PDK1: variants seen among roughly 807,000 people sequenced by gnomAD.
PDK1 encodes the protein pyruvate dehydrogenase kinase 1.
PDK1 carries 39 observed loss-of-function variants against 54.2 expected under a neutral mutation model. The observed-to-expected ratio is 0.72, with a 90% CI of 0.56 to 0.94. The LOEUF is 0.94. Among genes scored for constraint, PDK1 ranks in the 40% least tolerant of loss-of-function variants. The pLI is 0.00. For synonymous variants in PDK1, 221 were observed against 207.1 expected, an observed-to-expected ratio of 1.07 and a Z score of -0.58; for missense variants, 552 against 566.0, an observed-to-expected ratio of 0.98 and a Z score of 0.25.
intron 9 of PDK1, among the ~76,000 whole-genome samples, chr2:172,592,273 C>T (rs923313779): frequency 1.3e-5 from 2 of 152,166 alleles, no homozygotes; most frequent in Admixed American, 6.5e-5. Context: ...GAATAGGGTA[C>T]ACTGTTTTTT....
the PDK1 span, among the ~76,000 whole-genome samples, chr2:172,640,643 G>C: frequency 7.2e-5 from 11 of 152,188 alleles, no homozygotes; most frequent in African/African-American, 2.2e-4. Context: ...CATGTGGCCT[G>C]CTCACAGCCA....
intron 1 of PDK1, chr2:172,558,249 A>T (rs770047290): frequency 6.5e-6 from 1 of 152,850 alleles, no homozygotes; most frequent in Admixed American, 6.5e-5. Flanking sequence ...CATTCGGACC[A>T]GCTTAAAGTT....
At chr2:172,636,954 G>A in the PDK1 span, among the ~76,000 whole-genome samples, 5 of 152,064 alleles carry the variant, frequency 3.3e-5, no homozygotes, top group African/African-American at 7.3e-5. Flanking sequence ...AACTCAAACC[G>A]TACCAAAGGG....
At chr2:172,682,591 A>T in the PDK1 span, among the ~76,000 whole-genome samples, 1 of 152,242 alleles carries the variant, frequency 6.6e-6, no homozygotes, top group African/African-American at 2.4e-5. Flanking sequence ...ACTAGAAGAC[A>T]GTAGAGTGGC....
chr2:172,700,454 G>A, the PDK1 span, among the ~76,000 whole-genome samples: 1 of 150,698 alleles, frequency 6.6e-6, no homozygotes. Flanking sequence ...TGGGCGGCAG[G>A]GCAGAGACGC....
intron 9 of PDK1, among the ~76,000 whole-genome samples, chr2:172,590,913 CCT>C (rs1048673192): frequency 3.3e-5 from 5 of 152,240 alleles, no homozygotes; most frequent in African/African-American, 1.2e-4. Flanking sequence ...ACTGGCTTCA[CCT>C]CTCCATCCCC....
At chr2:172,557,331 C>G (rs1016277314) in intron 1 of PDK1, among the ~76,000 whole-genome samples, 1 of 152,146 alleles carries the variant, frequency 6.6e-6, no homozygotes. Context: ...TTTTTGCTAA[C>G]GTTTTCTCTT....
the PDK1 span, among the ~76,000 whole-genome samples, chr2:172,672,009 G>T: frequency 6.6e-6 from 1 of 152,112 alleles, no homozygotes; most frequent in Admixed American, 6.5e-5. Context: ...TATTTATATG[G>T]GAAACCTCCA....
At chr2:172,659,533 C>T in the PDK1 span, among the ~76,000 whole-genome samples, 1 of 152,144 alleles carries the variant, frequency 6.6e-6, no homozygotes, top group African/African-American at 2.4e-5. Context: ...ATTTAATTCT[C>T]AGCACCCCAC....
At chr2:172,720,099 TCTC>T in the PDK1 span, among the ~76,000 whole-genome samples, 1 of 114,338 alleles carries the variant, frequency 8.7e-6, no homozygotes. Flanking sequence ...AGAGCTTTTC[TCTC>T]TCTCTCTCTC....
At chr2:172,650,407 A>T in the PDK1 span, among the ~76,000 whole-genome samples, 7 of 152,350 alleles carry the variant, frequency 4.6e-5, no homozygotes, top group East Asian at 1.3e-3. Flanking sequence ...CATCAATGCT[A>T]GCAAGAAACT....
At chr2:172,620,222 G>A in the PDK1 span, among the ~76,000 whole-genome samples, 14 of 152,256 alleles carry the variant, frequency 9.2e-5, no homozygotes, top group African/African-American at 2.9e-4. Context: ...GTCAGACAAA[G>A]GCTGTTGAAA....
the PDK1 span, among the ~76,000 whole-genome samples, chr2:172,642,271 G>A: frequency 6.6e-6 from 1 of 152,158 alleles, no homozygotes; most frequent in East Asian, 1.9e-4. Flanking sequence ...TTTCTTTTTT[G>A]TTGTGCAAAT....
chr2:172,712,164 C>G, the PDK1 span, among the ~76,000 whole-genome samples: 1 of 152,140 alleles, frequency 6.6e-6, no homozygotes, highest in Non-Finnish European at 1.5e-5. Context: ...CATGGGTTTT[C>G]AGTTTCCCCT....
chr2:172,577,018 G>A (rs2149250951), intron 8 of PDK1, among the ~76,000 whole-genome samples: 1 of 152,256 alleles, frequency 6.6e-6, no homozygotes, highest in Admixed American at 6.5e-5. Context: ...TCTTGTAATT[G>A]TTATATCCAT....
chr2:172,642,521 C>G, the PDK1 span, among the ~76,000 whole-genome samples: 1 of 152,334 alleles, frequency 6.6e-6, no homozygotes, highest in East Asian at 1.9e-4. Context: ...CACCCCAGAC[C>G]TACTGAATCA....
intron 3 of PDK1, among the ~76,000 whole-genome samples, chr2:172,562,548 C>T (rs1325667699): frequency 6.6e-6 from 1 of 152,192 alleles, no homozygotes; most frequent in Non-Finnish European, 1.5e-5. Flanking sequence ...TTGGACTGTT[C>T]ACCTGGAGGG....
the PDK1 span, among the ~76,000 whole-genome samples, chr2:172,668,835 A>G: frequency 1.4e-5 from 2 of 146,452 alleles, no homozygotes; most frequent in Admixed American, 6.9e-5. Flanking sequence ...ACACATATGT[A>G]TGTATATACA....
In PDK1 at chr2:172,556,090, A is replaced by T; in HGVS notation, c.-61A>T. The T allele has an allele frequency of 8.0e-7, 1 of 1,249,340 alleles. No homozygotes were observed. Among genetic ancestry groups the T allele is most frequent in the Non-Finnish European group, 1.0e-6 (1 of 968,212 alleles). The allele number at this position is 1,249,340 out of a possible 1,614,324, so 77.4% of individuals were successfully genotyped here. A position where few individuals can be genotyped will look rare whatever the true frequency, so the allele number is the denominator to read the frequency against. Reference sequence around the variant, plus strand: ...CTGCCCGCCACGTCCCTCACGTACCACTCGGCAGAGGCGCGGGGAAACCTG... The same window carrying T: ...CTGCCCGCCACGTCCCTCACGTACCTCTCGGCAGAGGCGCGGGGAAACCTG... On this transcript the variant is annotated 5_prime_UTR_variant, in exon 1 of 11. Coordinates refer to ENST00000282077, the MANE Select transcript of PDK1 (RefSeq NM_002610.5).
Sources: allele counts gnomAD v4.1 joint callset (sites outside exome capture counted in the v4.1 genomes callset), GRCh38; gene constraint gnomAD v4.1.1; transcripts MANE v1.5; gene names NCBI Gene and HGNC (gene_info 2026-07-23, HGNC 2026-07-21).